ZNF875: variants seen among roughly 807,000 people sequenced by gnomAD.
ZNF875 encodes zinc finger protein 875, also known as HKR1, GLI-Kruppel zinc finger family member.
In ZNF875, 14 loss-of-function variants were observed where a neutral mutation model predicts 11.2. The observed-to-expected ratio is 1.26, with a 90% CI of 0.83 to 1.96. The LOEUF (loss-of-function observed/expected upper bound fraction) is 1.96, where lower values mean the gene tolerates loss of function less well. Ranked by LOEUF, ZNF875 falls within the 30% of genes most tolerant of loss-of-function variation. ZNF875 has a pLI of 0.00. For synonymous variants in ZNF875, 301 were observed against 281.1 expected (o/e 1.07, Z -0.71); for missense variants, 752 against 760.4 (o/e 0.99, Z 0.13).
Position 37,321,775 on chromosome 19 carries a change from A to C in ZNF875, c.-746-410A>C, listed in dbSNP as rs1403402308. On this transcript the variant is annotated intron_variant, in intron 1 of 5. Transcript: ENST00000544914. ...TTTTATGAGGTAGCACAGCAAATCCACCCAGGATCGGGGAGAGAGGACATC... is the reference window on the plus strand; with the variant it reads ...TTTTATGAGGTAGCACAGCAAATCCCCCCAGGATCGGGGAGAGAGGACATC... Among the ~76,000 whole-genome samples the C allele has an allele frequency of 2.0e-5, 3 of 152,098 alleles. No individual in the cohort carries two copies. The East Asian group carries it at 5.8e-4, about 29-fold the overall frequency.
intron 4 of ZNF875, among the ~76,000 whole-genome samples, chr19:37,325,311 A>C (rs1380473955): frequency 6.6e-6 from 1 of 151,662 alleles, no homozygotes; most frequent in Non-Finnish European, 1.5e-5. Flanking sequence ...CCCTCCATCC[A>C]CCTCTATTGT....
Position 37,344,745 on chromosome 19 carries a change from ATGAGT to A in ZNF875, c.34-2442_34-2438del, listed in dbSNP as rs747227334. 5.6e-6 allele frequency: 9 copies of A among 1,610,338 alleles called. No individual in the cohort carries two copies. The South Asian group carries it at 9.9e-5, about 18-fold the overall frequency. On this transcript the variant is annotated intron_variant, in intron 2 of 4. Transcript: ENST00000392153. ...TACATGCATGGTTCACAGACAAACC[ATGAGT>A]TGTTCCGGGGCTGGAGGAATAACGG...
upstream of ZNF875, chr19:37,313,449 C>G (rs117315862): frequency 9.3e-3 from 1,421 of 152,420 alleles, 14 homozygotes; most frequent in Non-Finnish European, 0.015. Context: ...CACCACAGTT[C>G]TGGGCTTTCA....
chr19:37,356,426 G>GT (rs1334474393), intron 4 of ZNF875, among the ~76,000 whole-genome samples: 1 of 151,978 alleles, frequency 6.6e-6, no homozygotes, highest in Non-Finnish European at 1.5e-5. Context: ...ACTAACATCT[G>GT]TTTTTTTGTT....
At chr19:37,339,043 A>G (rs1439973863) in intron 2 of ZNF875, among the ~76,000 whole-genome samples, 2 of 152,062 alleles carry the variant, frequency 1.3e-5, no homozygotes, top group South Asian at 4.2e-4. Context: ...TTGGTGCCAT[A>G]CAACAAACTT....
chr19:37,346,565 C>G (rs1318791606), intron 2 of ZNF875: 1 of 154,206 alleles, frequency 6.5e-6, no homozygotes, highest in Non-Finnish European at 1.4e-5. Flanking sequence ...CAAGTAGTCT[C>G]AGAAAATTTT....
At chr19:37,350,544 C>CA (rs2037677669) in intron 4 of ZNF875, among the ~76,000 whole-genome samples, 1 of 152,116 alleles carries the variant, frequency 6.6e-6, no homozygotes, top group African/African-American at 2.4e-5. Flanking sequence ...GACATTGGTA[C>CA]AGTACTATTG....
At chr19:37,356,097 G>A (rs1448738368) in intron 4 of ZNF875, among the ~76,000 whole-genome samples, 1 of 152,184 alleles carries the variant, frequency 6.6e-6, no homozygotes, top group Admixed American at 6.6e-5. Context: ...TGTTGCTGCA[G>A]AGGACATGAT....
chr19:37,330,526 C>T (rs776078321), upstream of ZNF875, among the ~76,000 whole-genome samples: 15 of 152,150 alleles, frequency 9.9e-5, no homozygotes, highest in Non-Finnish European at 2.1e-4. Flanking sequence ...CATAAGCCCC[C>T]ATCTCAGCCC....
At chr19:37,351,371 A>T (rs554226367) in intron 4 of ZNF875, among the ~76,000 whole-genome samples, 1 of 152,262 alleles carries the variant, frequency 6.6e-6, no homozygotes, top group East Asian at 1.9e-4. Context: ...GGATTTTTGC[A>T]AAGAGTCAAC....
rs185479325 is a variant in ZNF875 at position 37,323,334 on chromosome 19, T to A, written c.-698-199T>A. Among the ~76,000 whole-genome samples, 8 of 152,128 alleles carry A rather than the reference T, an allele frequency of 5.3e-5. No individual in the cohort carries two copies. In the East Asian group the frequency reaches 1.6e-3, roughly 30 times the overall value. On this transcript the variant is annotated intron_variant, in intron 2 of 5. Transcript: ENST00000544914. ...ACGCCTGGCTAATTTTTTAATATTT[T>A]TAGTGGAGACGGGGTTTCATCGTGT...
rs549222752 is a variant in ZNF875 at position 37,362,874 on chromosome 19, A to G, written c.1022A>G (p.Lys341Arg). The G allele has an allele frequency of 6.2e-7, 1 of 1,613,522 alleles. No homozygotes were observed. The highest frequency in any genetic ancestry group is 8.5e-7 in the Non-Finnish European group (1 of 1,179,848). ...THSGLKPYVCKECGQSFSLKS... is the reference protein window; with the variant it reads ...THSGLKPYVCRECGQSFSLKS... Reference sequence around the variant, plus strand: ...TCAGGGCTCAAGCCTTATGTGTGCAAGGAATGTGGGCAGAGCTTTAGCCTG... The same window carrying G: ...TCAGGGCTCAAGCCTTATGTGTGCAGGGAATGTGGGCAGAGCTTTAGCCTG... The change falls in exon 5 of 5, where the codon AAG (lysine) becomes AGG (arginine). Residue 341 changes from lysine to arginine, a missense_variant. Transcript: ENST00000392153.
chr19:37,313,744 T>TTGTGTG (rs61062343), upstream of ZNF875, among the ~76,000 whole-genome samples: 149 of 150,204 alleles, frequency 9.9e-4, no homozygotes, highest in Admixed American at 3.4e-3. Context: ...TACACATCCA[T>TTGTGTG]TGTGTGTGTG....
chr19:37,320,958 A>G (rs1420558970), intron 1 of ZNF875, among the ~76,000 whole-genome samples: 1 of 152,234 alleles, frequency 6.6e-6, no homozygotes, highest in Admixed American at 6.5e-5. Context: ...CTGTTGGCTC[A>G]AGGTTTAATG....
chr19:37,320,243 G>T (rs1201907098), intron 1 of ZNF875, among the ~76,000 whole-genome samples: 3 of 152,194 alleles, frequency 2.0e-5, no homozygotes, highest in Admixed American at 1.3e-4. Context: ...GCCCATGAAT[G>T]AAATTTTCAC....
rs111917931 is a variant in ZNF875 at position 37,360,869 on chromosome 19, C to T, written c.257-1240C>T. On this transcript the variant is annotated intron_variant, in intron 4 of 4. Coordinates refer to ENST00000392153, the MANE Select transcript of ZNF875 (RefSeq NM_001353803.2). ...TAGCATTTTATTATTTTTATGCTAT[C>T]GTGAATAGTATTGTTTTCTCAGTTT... Among the ~76,000 whole-genome samples, 994 of 151,978 alleles carry T rather than the reference C, an allele frequency of 6.5e-3. 11 individuals carry two copies. The highest frequency in any genetic ancestry group is 0.022 in the African/African-American group (927 of 41,504).
chr19:37,362,961 A>G lies in ZNF875; in HGVS notation c.1109A>G (p.Glu370Gly), dbSNP rs1367405988. ...HTGEKPYVCR[E>G]CGRGFRQHSH... ...GGGGAGAAGCCTTATGTTTGCAGGG[A>G]ATGTGGGCGTGGCTTTCGCCAGCAT... is the stretch of plus-strand genomic sequence containing the variant. The change falls in exon 5 of 5, where the codon GAA (glutamate) becomes GGA (glycine). Residue 370 changes from glutamate (E) to glycine (G), a missense_variant. By Grantham distance (98) the Glu-to-Gly change is moderately conservative. Coordinates refer to ENST00000392153, the MANE Select transcript of ZNF875 (RefSeq NM_001353803.2). The G allele has an allele frequency of 1.2e-6, 2 of 1,614,040 alleles. No individual in the cohort carries two copies. The highest frequency in any genetic ancestry group is 1.7e-5 in the Admixed American group (1 of 59,996).
At chr19:37,319,748 C>A (rs1004799969) in intron 1 of ZNF875, among the ~76,000 whole-genome samples, 1 of 152,046 alleles carries the variant, frequency 6.6e-6, no homozygotes, top group Non-Finnish European at 1.5e-5. Context: ...AAACTAAGAC[C>A]GGCTATCCCT....
chr19:37,338,727 C>G (rs1456720957), intron 2 of ZNF875, among the ~76,000 whole-genome samples: 1 of 152,174 alleles, frequency 6.6e-6, no homozygotes, highest in Non-Finnish European at 1.5e-5. Context: ...GAATCACAAC[C>G]TTAAGTAAAC....
Sources: allele counts gnomAD v4.1 joint callset (sites outside exome capture counted in the v4.1 genomes callset), GRCh38; gene constraint gnomAD v4.1.1; transcripts MANE v1.5; gene names NCBI Gene and HGNC (gene_info 2026-07-23, HGNC 2026-07-21).